Variants in CELF2 observed in about 807,000 individuals in gnomAD.
CELF2 encodes the protein CUGBP Elav-like family member 2.
In CELF2, 8 loss-of-function variants were observed where a neutral mutation model predicts 62.6. That is an observed-to-expected ratio of 0.13 (90% CI 0.07 to 0.23). CELF2 has a LOEUF of 0.23. Among genes scored for constraint, CELF2 ranks in the 10% least tolerant of loss-of-function variants. CELF2 has a pLI of 1.00. For synonymous variants in CELF2, 258 were observed against 250.0 expected (o/e 1.03, Z -0.30); for missense variants, 333 against 671.0 (o/e 0.50, Z 5.56).
intron 1 of CELF2, among the ~76,000 whole-genome samples, chr10:10,823,816 T>C (rs1054621878): frequency 2.0e-5 from 3 of 152,226 alleles, no homozygotes; most frequent in Non-Finnish European, 2.9e-5. Flanking sequence ...ATTATTCTTA[T>C]ACCCATTTTA....
chr10:11,104,098 T>C (rs1283265038), intron 1 of CELF2, among the ~76,000 whole-genome samples: 1 of 152,216 alleles, frequency 6.6e-6, no homozygotes, highest in Non-Finnish European at 1.5e-5. Flanking sequence ...ATCACTGATA[T>C]TGACTGCTGT....
In CELF2 at chr10:11,255,375, G is replaced by A. The variant is rs1055075981; in HGVS notation, c.404-2363G>A. Among the ~76,000 whole-genome samples the A allele has an allele frequency of 7.2e-5, 11 of 152,100 alleles. No individual in the cohort carries two copies. Among genetic ancestry groups the A allele is most frequent in the African/African-American group, 2.4e-4 (10 of 41,418 alleles). On this transcript the variant is annotated intron_variant, in intron 4 of 12. Coordinates refer to ENST00000633077, the MANE Select transcript of CELF2 (RefSeq NM_001326342.2). The surrounding 1 kb of genome is among the most constrained non-coding windows in gnomAD (Gnocchi z 5.5). ...CTGCACATGAAGCGGAAGATGGGGC[G>A]TGCCATCCTGAGGTCGGGCTGCTTT...
chr10:10,701,420 A>G, the CELF2 span, among the ~76,000 whole-genome samples: 3 of 152,240 alleles, frequency 2.0e-5, no homozygotes, highest in Admixed American at 2.0e-4. Flanking sequence ...TCATCCCATC[A>G]CATCAGATTT....
chr10:10,925,731 G>T (rs2065398656), intron 2 of CELF2, among the ~76,000 whole-genome samples: 1 of 152,092 alleles, frequency 6.6e-6, no homozygotes, highest in Non-Finnish European at 1.5e-5. Context: ...AGCCCACAGA[G>T]TCCCCAGACC....
intron 4 of CELF2, among the ~76,000 whole-genome samples, chr10:11,251,448 A>G (rs988296875): frequency 7.2e-5 from 11 of 152,000 alleles, no homozygotes; most frequent in African/African-American, 2.7e-4. Context: ...GAATCACAGC[A>G]CATAATAAAA....
chr10:10,623,067 CAG>C, the CELF2 span, among the ~76,000 whole-genome samples: 1 of 114,586 alleles, frequency 8.7e-6, no homozygotes, highest in Non-Finnish European at 1.6e-5. Context: ...ACCTGGGCGA[CAG>C]AGAGAGACTC....
chr10:10,736,110 A>G, the CELF2 span, among the ~76,000 whole-genome samples: 1 of 152,230 alleles, frequency 6.6e-6, no homozygotes, highest in Non-Finnish European at 1.5e-5. Flanking sequence ...CTCTCAAATT[A>G]GAATTTATTT....
chr10:10,731,342 T>C, the CELF2 span, among the ~76,000 whole-genome samples: 59 of 152,290 alleles, frequency 3.9e-4, no homozygotes, highest in Non-Finnish European at 3.5e-4. Context: ...TGTGACTAGT[T>C]GGATTACCAT....
chr10:10,505,849 C>T, the CELF2 span, among the ~76,000 whole-genome samples: 4 of 152,112 alleles, frequency 2.6e-5, no homozygotes, highest in African/African-American at 9.7e-5. Flanking sequence ...TTAAAATGTG[C>T]CTATTGCTAT....
the CELF2 span, among the ~76,000 whole-genome samples, chr10:10,471,739 A>G: frequency 6.6e-6 from 1 of 151,874 alleles, no homozygotes; most frequent in Non-Finnish European, 1.5e-5. Flanking sequence ...TAGCCTGTAT[A>G]TAAAAGATGT....
intron 1 of CELF2, among the ~76,000 whole-genome samples, chr10:11,049,853 C>T (rs1308424124): frequency 6.6e-6 from 1 of 152,162 alleles, no homozygotes; most frequent in Non-Finnish European, 1.5e-5. Context: ...GAGGAGAACA[C>T]AGTGTCATTC....
the CELF2 span, among the ~76,000 whole-genome samples, chr10:10,537,880 T>G: frequency 6.6e-6 from 1 of 152,142 alleles, no homozygotes; most frequent in South Asian, 2.1e-4. Context: ...AACCTGCAAG[T>G]AGGCTTGGAG....
chr10:10,929,083 C>T (rs2065818901), intron 2 of CELF2, among the ~76,000 whole-genome samples: 1 of 152,160 alleles, frequency 6.6e-6, no homozygotes, highest in South Asian at 2.1e-4. Flanking sequence ...CCTTCTCTCA[C>T]CCTTCTCACT....
the CELF2 span, among the ~76,000 whole-genome samples, chr10:10,476,191 T>C: frequency 1.4e-4 from 20 of 146,054 alleles, no homozygotes; most frequent in Non-Finnish European, 2.7e-4. Flanking sequence ...CATTTGTGTT[T>C]ACAAGGAAAG....
chr10:10,726,184 G>A, the CELF2 span, among the ~76,000 whole-genome samples: 1 of 152,178 alleles, frequency 6.6e-6, no homozygotes, highest in East Asian at 1.9e-4. Flanking sequence ...TTTTCCTCCA[G>A]GTCCATCTTA....
the CELF2 span, among the ~76,000 whole-genome samples, chr10:10,471,678 T>G: frequency 6.6e-6 from 1 of 151,832 alleles, no homozygotes; most frequent in African/African-American, 2.4e-5. Flanking sequence ...GTCTTTGCTT[T>G]AAACAATCAT....
the CELF2 span, among the ~76,000 whole-genome samples, chr10:10,480,903 C>T: frequency 6.6e-6 from 1 of 152,098 alleles, no homozygotes; most frequent in Non-Finnish European, 1.5e-5. Context: ...GTATCATTCA[C>T]ATGATAAAGA....
chr10:11,143,849 C>G (rs1471839158), intron 1 of CELF2, among the ~76,000 whole-genome samples: 1 of 152,184 alleles, frequency 6.6e-6, no homozygotes, highest in Non-Finnish European at 1.5e-5. Flanking sequence ...TTATACCTGA[C>G]TTAAATTGTT....
At chr10:10,764,212 A>G in the CELF2 span, among the ~76,000 whole-genome samples, 1 of 152,256 alleles carries the variant, frequency 6.6e-6, no homozygotes, top group Non-Finnish European at 1.5e-5. Flanking sequence ...GTGCATTGAC[A>G]AAGTCCCAAT....
Sources: allele counts gnomAD v4.1 joint callset (sites outside exome capture counted in the v4.1 genomes callset), GRCh38; gene constraint gnomAD v4.1.1; non-coding constraint Gnocchi (gnomAD v3.1); transcripts MANE v1.5; gene names NCBI Gene and HGNC (gene_info 2026-07-23, HGNC 2026-07-21).